FAM221A: variants seen among roughly 807,000 people sequenced by gnomAD.
The protein encoded by FAM221A is family with sequence similarity 221 member A.
FAM221A carries 43 observed loss-of-function variants against 37.6 expected under a neutral mutation model. The ratio of observed to expected loss-of-function variants is 1.15; its 90% confidence interval spans 0.90 to 1.48. FAM221A has a LOEUF of 1.48. FAM221A is among the 40% of genes most tolerant of loss of function. The pLI, the probability that FAM221A is intolerant of heterozygous loss-of-function variation, is 0.00. For missense variants in FAM221A, 361 were observed against 361.5 expected (o/e 1.00, Z 0.01); for synonymous variants, 135 against 132.9 (o/e 1.02, Z -0.11).
downstream of FAM221A, chr7:23,702,670 ATT>A (rs5882908): frequency 4.7e-4 from 72 of 151,648 alleles, no homozygotes; most frequent in African/African-American, 1.7e-3. Context: ...GATATTACTG[ATT>A]TTTTTTTTCA....
At chr7:23,681,165 A>T (rs914298165) in intron 1 of FAM221A, among the ~76,000 whole-genome samples, 4 of 152,162 alleles carry the variant, frequency 2.6e-5, no homozygotes, top group African/African-American at 4.8e-5. Flanking sequence ...AAGGGCTAGG[A>T]GCTTGATGGG....
intron 1 of FAM221A, among the ~76,000 whole-genome samples, chr7:23,681,996 G>A (rs1784068425): frequency 6.6e-6 from 1 of 152,140 alleles, no homozygotes; most frequent in Non-Finnish European, 1.5e-5. Context: ...CACACTGTGG[G>A]AGGCCCTGAC....
At chr7:23,701,348 TC>T (rs1382779669) in intron 6 of FAM221A, among the ~76,000 whole-genome samples, 1 of 150,110 alleles carries the variant, frequency 6.7e-6, no homozygotes. Flanking sequence ...CACGCCATTC[TC>T]CTGCTTCAGC....
intron 4 of FAM221A, chr7:23,692,498 C>T (rs966038576): frequency 1.0e-4 from 23 of 221,588 alleles, no homozygotes; most frequent in Non-Finnish European, 1.4e-4. Flanking sequence ...TGCACCACCA[C>T]GCCCGGCTAA....
At chr7:23,683,236 A>G (rs1211855757) in intron 1 of FAM221A, among the ~76,000 whole-genome samples, 1 of 152,182 alleles carries the variant, frequency 6.6e-6, no homozygotes, top group East Asian at 1.9e-4. Flanking sequence ...TCCTCCAGGG[A>G]GGCCAACTCT....
intron 1 of FAM221A, among the ~76,000 whole-genome samples, chr7:23,682,519 C>T (rs1372645953): frequency 1.3e-5 from 2 of 150,924 alleles, no homozygotes; most frequent in African/African-American, 2.4e-5. Flanking sequence ...GTAACCTCTG[C>T]CTCCGTGGAA....
At chr7:23,696,495 C>G (rs565435666) in intron 4 of FAM221A, among the ~76,000 whole-genome samples, 1 of 152,186 alleles carries the variant, frequency 6.6e-6, no homozygotes, top group Non-Finnish European at 1.5e-5. Context: ...GCTTTGGATG[C>G]AGAGGTTGCA....
intron 5 of FAM221A, among the ~76,000 whole-genome samples, chr7:23,699,292 CT>C (rs71552250): frequency 1.1e-4 from 16 of 150,018 alleles, no homozygotes; most frequent in Non-Finnish European, 2.1e-4. Flanking sequence ...ATTAAAAAAA[CT>C]TTTTTTTTGC....
chr7:23,692,107 A>G (rs1472772727), intron 4 of FAM221A: 1 of 660,666 alleles, frequency 1.5e-6, no homozygotes, highest in Non-Finnish European at 1.8e-6. Context: ...GTGCACACAC[A>G]TATATCTTCT....
At chr7:23,686,743 C>T (rs1195089624) in intron 2 of FAM221A, 1 of 149,436 alleles carries the variant, frequency 6.7e-6, no homozygotes, top group African/African-American at 2.5e-5. Context: ...GCTCACTACC[C>T]AAAGCCAGCT....
chr7:23,702,768 T>C (rs1224605154), downstream of FAM221A: 1 of 152,242 alleles, frequency 6.6e-6, no homozygotes, highest in Admixed American at 6.5e-5. Flanking sequence ...ACACATCTTG[T>C]GTGCCACTGC....
intron 1 of FAM221A, 98 bp downstream of exon 1, chr7:23,680,381 G>A: frequency 5.4e-6 from 5 of 930,368 alleles, no homozygotes; most frequent in East Asian, 2.7e-5. Flanking sequence ...GTCCGCGGGG[G>A]TTCCCGGAAT....
intron 4 of FAM221A, chr7:23,692,171 A>C: frequency 1.0e-6 from 1 of 970,974 alleles, no homozygotes; most frequent in Non-Finnish European, 1.2e-6. Flanking sequence ...GATCTATTCT[A>C]AACTATTAAA....
rs1358937875 is a variant in FAM221A, at chr7:23,689,270, T to C, written c.241T>C (p.Tyr81His). 4 of 1,514,874 alleles carry C rather than the reference T, an allele frequency of 2.6e-6. No homozygotes were observed. In the African/African-American group the frequency reaches 5.4e-5, roughly 21 times the overall value. The allele number at this position is 1,514,874 out of a possible 1,614,324, so 93.8% of individuals were successfully genotyped here. The change falls in exon 3 of 7, where the codon TAT becomes CAT. Residue 81 changes from tyrosine (Y) to histidine (H), a missense_variant and splice_region_variant. Coordinates refer to ENST00000344962, the MANE Select transcript of FAM221A (RefSeq NM_199136.5). ...PETLCFCTHR[Y>H]KQHKTDLEAI... ...TTCTCTCTCTTTCTCCTTTTTTAGG[T>C]ATAAACAACATAAAACTGACTTGGA... is the stretch of plus-strand genomic sequence containing the variant.
rs371648918 is a variant in FAM221A, at chr7:23,690,965, C to T, written c.431-425C>T. Among the ~76,000 whole-genome samples the T allele has an allele frequency of 1.1e-4, 17 of 152,290 alleles. No homozygotes were observed. In the East Asian group the frequency reaches 2.1e-3, roughly 19 times the overall value. On this transcript the variant is annotated intron_variant, in intron 3 of 6. Coordinates refer to ENST00000344962, the MANE Select transcript of FAM221A (RefSeq NM_199136.5). The stretch of plus-strand genomic sequence containing the variant: ...ATCAATACTTCTTTCCTTTTTATTG[C>T]TGAGCAAGATTACACTACACCCTTT...
intron 2 of FAM221A, chr7:23,688,151 TCTC>T (rs1175797614): frequency 2.0e-5 from 3 of 151,964 alleles, no homozygotes; most frequent in South Asian, 2.1e-4. Context: ...TTCACACCAT[TCTC>T]CTGCTTCAGC....
chr7:23,691,544 T>C lies in FAM221A; in HGVS notation c.585T>C (p.Thr195=), dbSNP rs751328352. 1.9e-6 allele frequency: 3 copies of C among 1,614,186 alleles called. No homozygotes were observed. The highest frequency in any genetic ancestry group is 1.7e-5 in the Admixed American group (1 of 60,018). The part of the protein sequence containing the change: ...DIPYAAMGGL[T]GFSSLAEGYM... Reference sequence around the variant, plus strand: ...CTTATGCAGCCATGGGAGGATTAACTGGTTTCAGCTCGCTGGCGGAAGGCT... The same window carrying C: ...CTTATGCAGCCATGGGAGGATTAACCGGTTTCAGCTCGCTGGCGGAAGGCT... Residue 195 remains threonine (T), a synonymous_variant, in exon 4 of 7, where the codon ACT becomes ACC. Coordinates refer to ENST00000344962, the MANE Select transcript of FAM221A (RefSeq NM_199136.5).
chr7:23,694,862 G>C (rs910515378), intron 4 of FAM221A: 1 of 152,072 alleles, frequency 6.6e-6, no homozygotes. Context: ...GAATTTTCCT[G>C]ACCTGTTCTT....
In FAM221A at chr7:23,684,663, G is replaced by C. The variant is rs752617705; in HGVS notation, c.230G>C (p.Cys77Ser). ...GTGGGCCCAGAGACACTGTGTTTTTGTACACATAGGTAAGATACTTTATTG... is the reference window on the plus strand; with the variant it reads ...GTGGGCCCAGAGACACTGTGTTTTTCTACACATAGGTAAGATACTTTATTG... ...KLVGPETLCF[C>S]THRYKQHKTD... Residue 77 changes from cysteine (C) to serine (S), a missense_variant, in exon 2 of 7, where the codon TGT becomes TCT. Coordinates refer to ENST00000344962, the MANE Select transcript of FAM221A (RefSeq NM_199136.5). The C allele has an allele frequency of 3.7e-6, 6 of 1,601,974 alleles. No individual in the cohort carries two copies. In the South Asian group the frequency reaches 6.8e-5, roughly 18 times the overall value.
Sources: gnomAD v4.1 joint callset for allele counts (sites outside exome capture counted in the v4.1 genomes callset) on GRCh38, gnomAD v4.1.1 for gene constraint, MANE v1.5 for transcripts, NCBI Gene and HGNC (gene_info 2026-07-23, HGNC 2026-07-21) for gene names.